Variants in PKIB observed in about 807,000 individuals in gnomAD.
PKIB encodes the protein PKI-beta.
PKIB carries 2 observed loss-of-function variants against 4.5 expected under a neutral mutation model. The ratio of observed to expected loss-of-function variants is 0.44; its 90% CI spans 0.18 to 1.39. The LOEUF (loss-of-function observed/expected upper bound fraction) is 1.39, where lower values mean the gene tolerates loss of function less well. Ranked by LOEUF, PKIB falls within the 40% of genes most tolerant of loss-of-function variation. The pLI is 0.27. For missense variants in PKIB, 94 were observed against 92.6 expected (o/e 1.02, Z -0.06); for synonymous variants, 38 against 36.0 (o/e 1.06, Z -0.20).
chr6:122,471,980 T>G lies in PKIB; in HGVS notation c.-398T>G, dbSNP rs972061477. ...CTTTCCTGGAGAATTTCTCAAGGAC[T>G]GCTGGCTGGAAACTTAACGGCTAAT... On this transcript the variant is annotated 5_prime_UTR_variant, in exon 1 of 7. Transcript: ENST00000392491. 7 of 951,458 alleles carry G rather than the reference T, an allele frequency of 7.4e-6. No homozygotes were observed. The African/African-American group carries it at 1.2e-4, about 16-fold the overall frequency. 58.9% of individuals were successfully genotyped at this position (951,458 alleles called of 1,614,324 possible). A position where few individuals can be genotyped will look rare whatever the true frequency, so the allele number is the denominator to read the frequency against.
intron 3 of PKIB, among the ~76,000 whole-genome samples, chr6:122,679,478 G>C (rs1025178468): frequency 6.6e-6 from 1 of 152,166 alleles, no homozygotes; most frequent in African/African-American, 2.4e-5. Flanking sequence ...GGCAAAAACC[G>C]AGGCAGGAAA....
At chr6:122,674,424 G>T (rs748933703) in intron 2 of PKIB, among the ~76,000 whole-genome samples, 1 of 152,098 alleles carries the variant, frequency 6.6e-6, no homozygotes, top group Non-Finnish European at 1.5e-5. Flanking sequence ...TGCTATGAGT[G>T]GCTAATGTGC....
At chr6:122,626,184 C>G (rs915344242) in intron 1 of PKIB, among the ~76,000 whole-genome samples, 2 of 152,142 alleles carry the variant, frequency 1.3e-5, no homozygotes, top group South Asian at 4.1e-4. Context: ...TGAACACTTA[C>G]TAATCAATAT....
At chr6:122,698,368 C>T (rs1345552986) in intron 3 of PKIB, among the ~76,000 whole-genome samples, 2 of 152,096 alleles carry the variant, frequency 1.3e-5, no homozygotes, top group Non-Finnish European at 2.9e-5. Flanking sequence ...TCCATCCTGT[C>T]GCAAAGAGGT....
intron 2 of PKIB, among the ~76,000 whole-genome samples, chr6:122,553,481 C>CTT (rs533553939): frequency 0.011 from 692 of 65,778 alleles, 109 homozygotes; most frequent in African/African-American, 0.034. Flanking sequence ...CAAATATCTT[C>CTT]TTTTTTTTTT....
chr6:122,506,764 A>G (rs1460652568), intron 2 of PKIB, among the ~76,000 whole-genome samples: 1 of 146,586 alleles, frequency 6.8e-6, no homozygotes, highest in Non-Finnish European at 1.5e-5. Context: ...CAGTGGCGCA[A>G]TCTCGGCTCA....
intron 2 of PKIB, among the ~76,000 whole-genome samples, chr6:122,494,453 G>T (rs984498836): frequency 1.1e-4 from 17 of 152,138 alleles, no homozygotes; most frequent in African/African-American, 3.1e-4. Flanking sequence ...TGGCACAAGG[G>T]TTTAAAACAT....
chr6:122,603,859 G>T (rs1774448829), intron 3 of PKIB, among the ~76,000 whole-genome samples: 1 of 152,154 alleles, frequency 6.6e-6, no homozygotes. Context: ...TATTAGTCAC[G>T]AAAATATCTT....
chr6:122,624,257 T>C (rs1006288624), intron 1 of PKIB, among the ~76,000 whole-genome samples: 11 of 152,240 alleles, frequency 7.2e-5, no homozygotes, highest in Non-Finnish European at 1.3e-4. Flanking sequence ...AAAGGTTGAA[T>C]ATTACAAAAT....
intron 3 of PKIB, among the ~76,000 whole-genome samples, chr6:122,708,658 G>A (rs1372102168): frequency 1.3e-5 from 2 of 152,082 alleles, no homozygotes; most frequent in African/African-American, 2.4e-5. Context: ...TCTTGACATG[G>A]AGTCTTGCTC....
chr6:122,659,620 T>A (rs1372226026), intron 2 of PKIB, among the ~76,000 whole-genome samples: 1 of 152,164 alleles, frequency 6.6e-6, no homozygotes, highest in African/African-American at 2.4e-5. Flanking sequence ...AGGAAAGACA[T>A]CTTCTTAACT....
At chr6:122,618,204 A>C (rs1562272186) in intron 1 of PKIB, among the ~76,000 whole-genome samples, 1 of 152,182 alleles carries the variant, frequency 6.6e-6, no homozygotes, top group Non-Finnish European at 1.5e-5. Context: ...CCAAACGATT[A>C]AAATTCATTA....
chr6:122,615,878 C>T (rs190757721), intron 1 of PKIB, among the ~76,000 whole-genome samples: 49 of 152,176 alleles, frequency 3.2e-4, no homozygotes, highest in Admixed American at 3.3e-4. Context: ...AATGAACCAA[C>T]CCTACTGACA....
At chr6:122,562,556 A>G (rs538693527) in intron 2 of PKIB, among the ~76,000 whole-genome samples, 1 of 152,144 alleles carries the variant, frequency 6.6e-6, no homozygotes, top group Non-Finnish European at 1.5e-5. Context: ...ATGTTTTCCA[A>G]GCTTTTGGAA....
At chr6:122,676,341 A>G (rs558072076) in intron 3 of PKIB, among the ~76,000 whole-genome samples, 1 of 152,216 alleles carries the variant, frequency 6.6e-6, no homozygotes, top group African/African-American at 2.4e-5. Context: ...CTGTAAATAC[A>G]GATGAAGCTT....
In PKIB at chr6:122,725,331, G is replaced by T. The variant is rs1470667834; in HGVS notation, c.*136G>T. ...AGCAGCATGTGTATATTAGATAATT[G>T]TGTTGTGATGCTACTCACTTTGATT... On this transcript the variant is annotated 3_prime_UTR_variant, in exon 5 of 5. Coordinates refer to ENST00000368452, the MANE Select transcript of PKIB (RefSeq NM_181795.3). The T allele has an allele frequency of 7.5e-6, 5 of 667,754 alleles. No individual in the cohort carries two copies. The highest frequency in any genetic ancestry group is 1.0e-5 in the Non-Finnish European group (4 of 389,140). 41.4% of individuals were successfully genotyped at this position (667,754 alleles called of 1,614,324 possible). A position where few individuals can be genotyped will look rare whatever the true frequency, so the allele number is the denominator to read the frequency against.
At chr6:122,532,226 A>G (rs762328554) in intron 2 of PKIB, among the ~76,000 whole-genome samples, 2 of 152,212 alleles carry the variant, frequency 1.3e-5, no homozygotes, top group Admixed American at 6.5e-5. Flanking sequence ...AGTTTAATCA[A>G]CATACTCCAA....
At chr6:122,679,748 G>T (rs1384902432) in intron 3 of PKIB, among the ~76,000 whole-genome samples, 2 of 152,176 alleles carry the variant, frequency 1.3e-5, no homozygotes, top group African/African-American at 4.8e-5. Context: ...GATGAGATCA[G>T]CTGATTTGTC....
At chr6:122,630,594 G>A (rs1775654817) in intron 1 of PKIB, among the ~76,000 whole-genome samples, 1 of 152,110 alleles carries the variant, frequency 6.6e-6, no homozygotes, top group African/African-American at 2.4e-5. Context: ...AAAAGTTGTG[G>A]AGATTGGTTG....
Sources: allele counts gnomAD v4.1 joint callset (sites outside exome capture counted in the v4.1 genomes callset), GRCh38; gene constraint gnomAD v4.1.1; transcripts MANE v1.5; gene names NCBI Gene and HGNC (gene_info 2026-07-23, HGNC 2026-07-21).